MIPOL1: variants seen among roughly 807,000 people sequenced by gnomAD.
The protein encoded by MIPOL1 is mirror-image polydactyly gene 1 protein.
In MIPOL1, 57 loss-of-function variants were observed where a neutral mutation model predicts 60.9. The observed-to-expected ratio is 0.94, with a 90% CI of 0.76 to 1.17. The LOEUF (loss-of-function observed/expected upper bound fraction) is 1.17, where lower values mean the gene tolerates loss of function less well. MIPOL1 is among the 50% of genes most tolerant of loss of function. MIPOL1 has a pLI of 0.00. For missense variants in MIPOL1, 551 were observed against 511.6 expected (o/e 1.08, Z -0.74); for synonymous variants, 179 against 168.8 (o/e 1.06, Z -0.47).
chr14:37,491,036 A>G (rs1221420503), intron 11 of MIPOL1, among the ~76,000 whole-genome samples: 2 of 152,186 alleles, frequency 1.3e-5, no homozygotes, highest in Non-Finnish European at 2.9e-5. Context: ...AATTATATTT[A>G]TGTGTTATAT....
intron 10 of MIPOL1, among the ~76,000 whole-genome samples, chr14:37,419,688 A>G (rs779615229): frequency 3.9e-5 from 6 of 152,094 alleles, no homozygotes; most frequent in African/African-American, 9.7e-5. Flanking sequence ...GGCGCTGGGA[A>G]GGAAGAAAGG....
intron 1 of MIPOL1, among the ~76,000 whole-genome samples, chr14:37,245,292 A>G (rs995906734): frequency 4.6e-5 from 7 of 152,182 alleles, no homozygotes; most frequent in Admixed American, 3.3e-4. Context: ...ACCATTTTGC[A>G]TTGATGTCTT....
At chr14:37,332,125 G>A (rs760289071) in intron 9 of MIPOL1, among the ~76,000 whole-genome samples, 22 of 151,694 alleles carry the variant, frequency 1.5e-4, no homozygotes, top group Admixed American at 3.3e-4. Context: ...ATGACAGAGC[G>A]AGACTCCTCT....
chr14:37,396,634 C>T (rs956151523), intron 10 of MIPOL1, among the ~76,000 whole-genome samples: 2 of 152,046 alleles, frequency 1.3e-5, no homozygotes, highest in Non-Finnish European at 2.9e-5. Flanking sequence ...GGTCATTTAA[C>T]ATAATCCCAG....
chr14:37,445,075 G>T (rs2094311476), intron 11 of MIPOL1, among the ~76,000 whole-genome samples: 1 of 152,194 alleles, frequency 6.6e-6, no homozygotes, highest in Non-Finnish European at 1.5e-5. Flanking sequence ...GTTCTGGCCA[G>T]GTCAATTAGG....
chr14:37,486,727 G>A (rs1173931292), intron 11 of MIPOL1, among the ~76,000 whole-genome samples: 1 of 152,168 alleles, frequency 6.6e-6, no homozygotes, highest in South Asian at 2.1e-4. Context: ...GAGGTTTTGG[G>A]CTGAGACGAT....
chr14:37,228,962 A>G (rs1970204993), intron 1 of MIPOL1, among the ~76,000 whole-genome samples: 1 of 152,198 alleles, frequency 6.6e-6, no homozygotes, highest in Non-Finnish European at 1.5e-5. Flanking sequence ...TAAAATAAGT[A>G]TCCTGACCAA....
At chr14:37,440,521 G>T (rs915821210) in intron 11 of MIPOL1, among the ~76,000 whole-genome samples, 1 of 152,058 alleles carries the variant, frequency 6.6e-6, no homozygotes, top group Non-Finnish European at 1.5e-5. Flanking sequence ...ATGAGAACAT[G>T]CAGTATTTGT....
At chr14:37,297,910 C>G (rs2085922635) in intron 7 of MIPOL1, among the ~76,000 whole-genome samples, 1 of 152,098 alleles carries the variant, frequency 6.6e-6, no homozygotes, top group Admixed American at 6.6e-5. Context: ...AATGCCATCC[C>G]CATCAAGCTA....
chr14:37,349,482 C>T (rs1041091472), intron 9 of MIPOL1, among the ~76,000 whole-genome samples: 2 of 152,180 alleles, frequency 1.3e-5, no homozygotes, highest in Admixed American at 1.3e-4. Flanking sequence ...TCATTCATTC[C>T]TGCTACAGGA....
intron 12 of MIPOL1, among the ~76,000 whole-genome samples, chr14:37,521,192 C>G (rs2095410984): frequency 6.6e-6 from 1 of 152,026 alleles, no homozygotes; most frequent in East Asian, 1.9e-4. Flanking sequence ...CCGCCTCAGT[C>G]TCCCAAAGTG....
chr14:37,368,264 A>T (rs543887242), intron 9 of MIPOL1, among the ~76,000 whole-genome samples: 32 of 152,196 alleles, frequency 2.1e-4, no homozygotes, highest in Non-Finnish European at 3.5e-4. Flanking sequence ...TGAAGTGTGT[A>T]TACTCAATTT....
intron 12 of MIPOL1, among the ~76,000 whole-genome samples, chr14:37,533,523 G>T (rs955732173): frequency 1.3e-5 from 2 of 152,132 alleles, no homozygotes; most frequent in Admixed American, 6.5e-5. Context: ...CTGGCTAAAA[G>T]AAATCAAGAT....
At chr14:37,370,300 TTTGCCTAG>T (rs1217493543) in intron 10 of MIPOL1, among the ~76,000 whole-genome samples, 25 of 152,280 alleles carry the variant, frequency 1.6e-4, no homozygotes, top group Admixed American at 1.6e-3. Flanking sequence ...CTTTTTATCT[TTTGCCTAG>T]TTCCCAGTAT....
chr14:37,347,498 A>T (rs2091027466), intron 9 of MIPOL1, among the ~76,000 whole-genome samples: 1 of 152,218 alleles, frequency 6.6e-6, no homozygotes, highest in Non-Finnish European at 1.5e-5. Flanking sequence ...TGAGTTGTAG[A>T]TCTAATATGG....
At chr14:37,446,644 A>G (rs1212357379) in intron 11 of MIPOL1, among the ~76,000 whole-genome samples, 1 of 152,194 alleles carries the variant, frequency 6.6e-6, no homozygotes, top group East Asian at 1.9e-4. Flanking sequence ...TAGCGGCACT[A>G]TTCACAATAG....
chr14:37,351,429 TG>T (rs1251640296), intron 9 of MIPOL1, among the ~76,000 whole-genome samples: 3 of 151,684 alleles, frequency 2.0e-5, no homozygotes, highest in African/African-American at 7.3e-5. Flanking sequence ...TACCCAGTAA[TG>T]GGATGGCTGG....
intron 10 of MIPOL1, among the ~76,000 whole-genome samples, chr14:37,381,964 C>A (rs149256689): frequency 1.3e-5 from 2 of 151,852 alleles, no homozygotes; most frequent in African/African-American, 4.8e-5. Flanking sequence ...AAAGTAAGGA[C>A]AAAATAGTTC....
At chr14:37,438,856 C>T (rs551492728) in intron 11 of MIPOL1, among the ~76,000 whole-genome samples, 1 of 152,264 alleles carries the variant, frequency 6.6e-6, no homozygotes, top group East Asian at 1.9e-4. Context: ...AATACTGTGC[C>T]TAACAGCAAT....
Sources: allele counts gnomAD v4.1 joint callset (sites outside exome capture counted in the v4.1 genomes callset), GRCh38; gene constraint gnomAD v4.1.1; transcripts MANE v1.5; gene names NCBI Gene and HGNC (gene_info 2026-07-23, HGNC 2026-07-21).